Variants in EREG observed in about 807,000 individuals in gnomAD.
EREG encodes proepiregulin.
Under a neutral mutation model 22.4 loss-of-function variants are expected in EREG, and 23 were observed. That is an observed-to-expected ratio of 1.03 (90% confidence interval 0.74 to 1.46). The LOEUF (loss-of-function observed/expected upper bound fraction) is 1.46, where lower values mean the gene tolerates loss of function less well. Ranked by LOEUF, EREG falls within the 40% of genes most tolerant of loss-of-function variation. The pLI is 0.00. For synonymous variants in EREG, 100 were observed against 75.4 expected, an observed-to-expected ratio of 1.33 and a Z score of -1.69; for missense variants, 226 against 205.9, an observed-to-expected ratio of 1.10 and a Z score of -0.60.
In EREG at chr4:74,385,861, T is replaced by G. The variant is rs1448974545; in HGVS notation, c.*1053T>G. On this transcript the variant is annotated 3_prime_UTR_variant, in exon 5 of 5. Transcript: ENST00000244869. ...TTAATACAGCTCAGTAAATGGCTTC[T>G]TCTAGAATGTAAAGTTATGTATTTA... 1 of 396,768 alleles carries G rather than the reference T, an allele frequency of 2.5e-6. No homozygotes were observed. The highest frequency in any genetic ancestry group is 4.4e-6 in the Non-Finnish European group (1 of 224,956). 24.6% of individuals were successfully genotyped at this position (396,768 alleles called of 1,614,324 possible). A position where few individuals can be genotyped will look rare whatever the true frequency, so the allele number is the denominator to read the frequency against.
chr4:74,374,021 A>T (rs774569984), intron 1 of EREG, among the ~76,000 whole-genome samples: 2 of 152,198 alleles, frequency 1.3e-5, no homozygotes, highest in Non-Finnish European at 2.9e-5. Context: ...ACTGCCATGG[A>T]AGATGGTAGA....
chr4:74,369,319 T>C (rs1271120120), intron 1 of EREG, among the ~76,000 whole-genome samples: 4 of 152,136 alleles, frequency 2.6e-5, no homozygotes, highest in Admixed American at 2.6e-4. Flanking sequence ...CTTCCCCTTC[T>C]GAGTCTCTAA....
intron 2 of EREG, among the ~76,000 whole-genome samples, chr4:74,380,256 T>C (rs979767262): frequency 4.3e-4 from 60 of 138,254 alleles, no homozygotes; most frequent in Non-Finnish European, 7.9e-5. Context: ...TTGGTCAGCC[T>C]CCTCCGCATC....
At chr4:74,373,093 C>T (rs1298218413) in intron 1 of EREG, among the ~76,000 whole-genome samples, 1 of 148,176 alleles carries the variant, frequency 6.7e-6, no homozygotes, top group Non-Finnish European at 1.5e-5. Flanking sequence ...GGGTTGTACT[C>T]TTTACATAAG....
At chr4:74,368,999 G>A (rs1752246870) in intron 1 of EREG, among the ~76,000 whole-genome samples, 2 of 152,168 alleles carry the variant, frequency 1.3e-5, no homozygotes, top group Admixed American at 1.3e-4. Context: ...GCACATAAAG[G>A]TTGAGTGGCC....
intron 2 of EREG, among the ~76,000 whole-genome samples, chr4:74,379,923 C>A (rs1225367604): frequency 6.6e-6 from 1 of 151,970 alleles, no homozygotes; most frequent in Non-Finnish European, 1.5e-5. Flanking sequence ...TTCTACCCCT[C>A]TCTCTCTCTT....
Position 74,381,083 on chromosome 4 carries a change from A to G in EREG, c.224A>G (p.Tyr75Cys), listed in dbSNP as rs1437948557. Reference protein sequence around the residue: ...ITKCSSDMNGYCLHGQCIYLV... With the variant: ...ITKCSSDMNGCCLHGQCIYLV... ...AAGTGTAGCTCTGACATGAATGGCTATTGTTTGCATGGACAGTGCATCTAT... is the reference window on the plus strand; with the variant it reads ...AAGTGTAGCTCTGACATGAATGGCTGTTGTTTGCATGGACAGTGCATCTAT... Residue 75 changes from tyrosine to cysteine, a missense_variant, in exon 3 of 5, where the codon TAT (tyrosine) becomes TGT (cysteine). Physicochemically the swap from Tyr to Cys is radical, Grantham distance 194 (BLOSUM62 -2). Coordinates refer to ENST00000244869, the MANE Select transcript of EREG (RefSeq NM_001432.3). 1.2e-5 allele frequency: 19 copies of G among 1,613,540 alleles called. No homozygotes were observed. Among genetic ancestry groups the G allele is most frequent in the Non-Finnish European group, 1.6e-5 (19 of 1,179,642 alleles).
intron 1 of EREG, among the ~76,000 whole-genome samples, chr4:74,372,684 A>G (rs1752310537): frequency 6.6e-6 from 1 of 152,170 alleles, no homozygotes; most frequent in Non-Finnish European, 1.5e-5. Flanking sequence ...ATATGTTTCC[A>G]ACAGAAAATT....
In EREG at chr4:74,384,994, G is replaced by T; in HGVS notation, c.*186G>T. 2.3e-6 allele frequency: 1 copy of T among 442,904 alleles called. No individual in the cohort carries two copies. The allele number at this position is 442,904 out of a possible 1,614,324, so 27.4% of individuals were successfully genotyped here. A position where few individuals can be genotyped will look rare whatever the true frequency, so the allele number is the denominator to read the frequency against. On this transcript the variant is annotated 3_prime_UTR_variant, in exon 5 of 5. Transcript: ENST00000244869. ...ACTATTTGCTAATGTATAATGTGCAGAAAATATTTAATATCAAAAGAAAAT... is the reference window on the plus strand; with the variant it reads ...ACTATTTGCTAATGTATAATGTGCATAAAATATTTAATATCAAAAGAAAAT...
At chr4:74,380,345 G>T (rs1752453381) in intron 2 of EREG, among the ~76,000 whole-genome samples, 1 of 151,776 alleles carries the variant, frequency 6.6e-6, no homozygotes, top group Non-Finnish European at 1.5e-5. Context: ...AATTTTATAA[G>T]CATCTTTCAC....
In EREG at chr4:74,384,916, C is replaced by G; in HGVS notation, c.*108C>G. 1.7e-6 allele frequency: 1 copy of G among 582,362 alleles called. No individual in the cohort carries two copies. The highest frequency in any genetic ancestry group is 3.0e-6 in the Non-Finnish European group (1 of 332,178). 36.1% of individuals were successfully genotyped at this position (582,362 alleles called of 1,614,324 possible). On this transcript the variant is annotated 3_prime_UTR_variant, in exon 5 of 5. Coordinates refer to ENST00000244869, the MANE Select transcript of EREG (RefSeq NM_001432.3). Reference sequence around the variant, plus strand: ...TGGGTCAAGTGTTAGGTCAATAACACTGTATTTTAATGTACTTGAAAAATG... The same window carrying G: ...TGGGTCAAGTGTTAGGTCAATAACAGTGTATTTTAATGTACTTGAAAAATG...
Position 74,385,198 on chromosome 4 carries a change from T to A in EREG, c.*390T>A, listed in dbSNP as rs572136386. ...TAGTCAAATCGATTTAGTAAGTATGTTTTTTATGTTCCTCAAATCAGTGAT... is the reference window on the plus strand; with the variant it reads ...TAGTCAAATCGATTTAGTAAGTATGATTTTTATGTTCCTCAAATCAGTGAT... On this transcript the variant is annotated 3_prime_UTR_variant, in exon 5 of 5. Coordinates refer to ENST00000244869, the MANE Select transcript of EREG (RefSeq NM_001432.3). 6.3e-6 allele frequency: 1 copy of A among 159,546 alleles called. No individual in the cohort carries two copies. Among genetic ancestry groups the A allele is most frequent in the African/African-American group, 2.4e-5 (1 of 41,772 alleles). The allele number at this position is 159,546 out of a possible 1,614,324, so 9.9% of individuals were successfully genotyped here.
intron 1 of EREG, among the ~76,000 whole-genome samples, chr4:74,369,810 GT>G (rs1471176716): frequency 6.6e-6 from 1 of 151,282 alleles, no homozygotes; most frequent in African/African-American, 2.4e-5. Context: ...CTGAGCCTCA[GT>G]TTTCTCATCC....
At chr4:74,380,987 A>G (rs1286101398) in intron 2 of EREG, 27 bp from the exon 3 acceptor site, 10 of 1,608,112 alleles carry the variant, frequency 6.2e-6, no homozygotes, top group Non-Finnish European at 8.5e-6. Context: ...GCTGCAGAAT[A>G]TATTCAACTT....
chr4:74,371,490 T>G (rs1231119937), intron 1 of EREG, among the ~76,000 whole-genome samples: 52 of 152,262 alleles, frequency 3.4e-4, no homozygotes. Flanking sequence ...TCAGCAAACT[T>G]AATTTTCTTT....
At chr4:74,378,088 C>G (rs1752412367) in intron 1 of EREG, among the ~76,000 whole-genome samples, 1 of 152,200 alleles carries the variant, frequency 6.6e-6, no homozygotes, top group Non-Finnish European at 1.5e-5. Context: ...ACAGTTACCA[C>G]TTACTTAGCT....
chr4:74,367,673 G>A (rs1280701082), intron 1 of EREG, among the ~76,000 whole-genome samples: 20 of 152,164 alleles, frequency 1.3e-4, no homozygotes, highest in Non-Finnish European at 7.4e-5. Flanking sequence ...CAATAGGCTT[G>A]TCTTTGATCA....
intron 1 of EREG, among the ~76,000 whole-genome samples, chr4:74,367,680 A>G (rs1752210121): frequency 6.6e-6 from 1 of 152,154 alleles, no homozygotes; most frequent in Non-Finnish European, 1.5e-5. Context: ...CTTGTCTTTG[A>G]TCATTTCTGT....
intron 1 of EREG, among the ~76,000 whole-genome samples, chr4:74,368,613 T>C (rs1752240360): frequency 1.3e-5 from 2 of 152,234 alleles, no homozygotes; most frequent in Admixed American, 6.5e-5. Context: ...TTGAATGTTT[T>C]CTGTCTATTT....
Sources: allele counts gnomAD v4.1 joint callset (sites outside exome capture counted in the v4.1 genomes callset), GRCh38; gene constraint gnomAD v4.1.1; transcripts MANE v1.5; gene names NCBI Gene and HGNC (gene_info 2026-07-23, HGNC 2026-07-21).